The following OR8D4 variants were observed in gnomAD, a reference collection of about 807,000 sequenced individuals.
OR8D4 encodes olfactory receptor family 8 subfamily D member 4.
For missense variants in OR8D4, 359 were observed against 372.6 expected, an observed-to-expected ratio of 0.96 and a Z score of 0.30; for synonymous variants, 141 against 134.8, an observed-to-expected ratio of 1.05 and a Z score of -0.32.
chr11:123,907,226 CA>C lies in OR8D4; in HGVS notation c.796del (p.Ser266ValfsTer16). 1 of 1,613,724 alleles carries C rather than the reference CA, an allele frequency of 6.2e-7. No individual in the cohort carries two copies. The highest frequency in any genetic ancestry group is 8.5e-7 in the Non-Finnish European group (1 of 1,179,698). ...MSMYLKPASSSSLTQEKVSSV... is the reference protein window; with the variant it reads ...MSMYLKPASSXSLTQEKVSSV... ...CCATGTATCTCAAACCTGCTTCTAGCAGTTCACTCACCCAGGAGAAAGTATC... is the reference window on the plus strand; with the variant it reads ...CCATGTATCTCAAACCTGCTTCTAGCGTTCACTCACCCAGGAGAAAGTATC... On this transcript the variant is annotated frameshift_variant, in exon 2 of 2. Transcript: ENST00000641687. LOFTEE classifies it low-confidence loss of function (END_TRUNC).
intron 1 of OR8D4, among the ~76,000 whole-genome samples, chr11:123,903,257 G>A (rs1863175561): frequency 1.3e-5 from 2 of 152,014 alleles, no homozygotes; most frequent in Admixed American, 1.3e-4. Context: ...GAGCATTCAG[G>A]GATTTTGGTA....
At chr11:123,904,171 C>T (rs563879537) in intron 1 of OR8D4, among the ~76,000 whole-genome samples, 2 of 152,226 alleles carry the variant, frequency 1.3e-5, no homozygotes, top group African/African-American at 4.8e-5. Context: ...GGTTCATAGA[C>T]CACACTGTGT....
At chr11:123,905,823 A>T (rs1274384969) in intron 1 of OR8D4, among the ~76,000 whole-genome samples, 1 of 152,186 alleles carries the variant, frequency 6.6e-6, no homozygotes, top group Non-Finnish European at 1.5e-5. Context: ...TTCATGGCCC[A>T]GGACACACAG....
Position 123,906,916 on chromosome 11 carries a change from GT to G in OR8D4, c.486del (p.Cys162Ter), listed in dbSNP as rs1565569452. On this transcript the variant is annotated frameshift_variant, in exon 2 of 2. Coordinates refer to ENST00000641687, the MANE Select transcript of OR8D4 (RefSeq NM_001005197.2). LOFTEE classifies it low-confidence loss of function (END_TRUNC). ...GFTDAVIHGG[C>X]ILRLSFCGSN... ...ACTGATGCTGTGATCCATGGAGGTT[GT>G]ATACTCAGGTTGTCTTTCTGTGGAT... 1 of 1,613,964 alleles carries G rather than the reference GT, an allele frequency of 6.2e-7. No individual in the cohort carries two copies.
At position 123,906,818 on chromosome 11, in the gene OR8D4, A is replaced by G. The variant is rs764042743; in HGVS notation, c.387A>G (p.Pro129=). The G allele has an allele frequency of 6.2e-7, 1 of 1,613,958 alleles. No individual in the cohort carries two copies. The highest frequency in any genetic ancestry group is 1.1e-5 in the South Asian group (1 of 91,064). The change falls in exon 2 of 2, where the codon CCA becomes CCG. Residue 129 remains proline, a synonymous_variant. Coordinates refer to ENST00000641687, the MANE Select transcript of OR8D4 (RefSeq NM_001005197.2). ...ATCGCTACGTGGCCATCTGCAGCCCACTGCTCTACAGGGTCATCATGTCCC... is the reference window on the plus strand; with the variant it reads ...ATCGCTACGTGGCCATCTGCAGCCCGCTGCTCTACAGGGTCATCATGTCCC... ...ACDRYVAICS[P]LLYRVIMSPR...
At chr11:123,906,315 G>A (rs982936173) in intron 1 of OR8D4, 102 bp from the exon 2 acceptor site, 16 of 723,658 alleles carry the variant, frequency 2.2e-5, no homozygotes, top group East Asian at 1.6e-4. Context: ...TTTGGTTTTC[G>A]TAACACAAAG....
chr11:123,905,577 A>G (rs1863192632), intron 1 of OR8D4, among the ~76,000 whole-genome samples: 2 of 152,192 alleles, frequency 1.3e-5, no homozygotes, highest in African/African-American at 4.8e-5. Flanking sequence ...GTAGAAAATT[A>G]TAATTCACCT....
rs1359750151 is a variant in OR8D4 at position 123,906,637 on chromosome 11, T to C, written c.206T>C (p.Leu69Ser). The C allele has an allele frequency of 6.2e-7, 1 of 1,613,880 alleles. No individual in the cohort carries two copies. Residue 69 changes from leucine (L) to serine (S), a missense_variant, in exon 2 of 2, where the codon TTA becomes TCA. Coordinates refer to ENST00000641687, the MANE Select transcript of OR8D4 (RefSeq NM_001005197.2). ...TATTTCCTGAGTAGTTTGTCTTTTT[T>C]AGATTTCTGCTATTCTTCTGTCATT... ...MYYFLSSLSFLDFCYSSVITP... is the reference protein window; with the variant it reads ...MYYFLSSLSFSDFCYSSVITP...
Position 123,908,659 on chromosome 11 carries a change from T to C in OR8D4, c.*1283T>C, listed in dbSNP as rs1863225578. On this transcript the variant is annotated 3_prime_UTR_variant, in exon 2 of 2. Transcript: ENST00000641687. ...ACAAACATAATTATAGATAAGTCCT[T>C]TGGAAAAAATGAGTTATGTAATTTT... The C allele has an allele frequency of 6.6e-6, 1 of 152,166 alleles. No individual in the cohort carries two copies. The highest frequency in any genetic ancestry group is 6.5e-5 in the Admixed American group (1 of 15,280). The allele number at this position is 152,166 out of a possible 1,614,324, so 9.4% of individuals were successfully genotyped here. A position where few individuals can be genotyped will look rare whatever the true frequency, so the allele number is the denominator to read the frequency against.
In OR8D4 at chr11:123,908,976, T is replaced by C. The variant is rs1265807063; in HGVS notation, c.*1600T>C. 1 of 152,204 alleles carries C rather than the reference T, an allele frequency of 6.6e-6. No individual in the cohort carries two copies. Among genetic ancestry groups the C allele is most frequent in the Non-Finnish European group, 1.5e-5 (1 of 68,034 alleles). The allele number at this position is 152,204 out of a possible 1,614,324, so 9.4% of individuals were successfully genotyped here. A position where few individuals can be genotyped will look rare whatever the true frequency, so the allele number is the denominator to read the frequency against. Reference sequence around the variant, plus strand: ...GTACAATGAGAAGCAATTGGAATGTTTCAAAAGCAGAGCGATGTAATCTGT... The same window carrying C: ...GTACAATGAGAAGCAATTGGAATGTCTCAAAAGCAGAGCGATGTAATCTGT... On this transcript the variant is annotated 3_prime_UTR_variant, in exon 2 of 2. Coordinates refer to ENST00000641687, the MANE Select transcript of OR8D4 (RefSeq NM_001005197.2).
chr11:123,906,282 C>G, intron 1 of OR8D4, 135 bp from the exon 2 acceptor site: 1 of 592,104 alleles, frequency 1.7e-6, no homozygotes, highest in Non-Finnish European at 2.9e-6. Flanking sequence ...CTTACCGACT[C>G]CATTTCATCT....
In OR8D4 at chr11:123,907,085, T is replaced by A; in HGVS notation, c.654T>A (p.Tyr218Ter). 6.2e-7 allele frequency: 1 copy of A among 1,614,086 alleles called. No homozygotes were observed. ...CAAGCCTAACAATCATTATTTCATA[T>A]GCTTTTATCCTCACCAGCATCCTGC... Reference protein sequence around the residue: ...VATSLTIIISYAFILTSILRI... With the variant: ...VATSLTIIIS Residue 218 changes from tyrosine (Y) to a stop codon, truncating the protein, a stop_gained, in exon 2 of 2, where the codon TAT (tyrosine) becomes TAA (stop). Transcript: ENST00000641687. LOFTEE classifies it low-confidence loss of function (END_TRUNC).
In OR8D4 at chr11:123,906,887, T is replaced by C; in HGVS notation, c.456T>C (p.Gly152=). 1 of 1,613,990 alleles carries C rather than the reference T, an allele frequency of 6.2e-7. No homozygotes were observed. Among genetic ancestry groups the C allele is most frequent in the Non-Finnish European group, 8.5e-7 (1 of 1,179,892 alleles). Residue 152 remains glycine, a synonymous_variant, in exon 2 of 2, where the codon GGT becomes GGC. Coordinates refer to ENST00000641687, the MANE Select transcript of OR8D4 (RefSeq NM_001005197.2). ...SLLVAAVFSV[G]FTDAVIHGGC... ...TGGTGGCTGCTGTCTTCTCAGTAGG[T>C]TTCACTGATGCTGTGATCCATGGAG...
chr11:123,906,327 C>A, intron 1 of OR8D4, 90 bp from the exon 2 acceptor site: 2 of 787,662 alleles, frequency 2.5e-6, no homozygotes, highest in South Asian at 3.9e-5. Context: ...AACACAAAGT[C>A]AGTGTTTTCA....
At position 123,907,331 on chromosome 11, in the gene OR8D4, T is replaced by G; in HGVS notation, c.900T>G (p.Ala300=). 6.6e-7 allele frequency: 1 copy of G among 1,508,698 alleles called. No homozygotes were observed. The highest frequency in any genetic ancestry group is 9.1e-7 in the Non-Finnish European group (1 of 1,100,974). The allele number at this position is 1,508,698 out of a possible 1,614,324, so 93.5% of individuals were successfully genotyped here. Reference sequence around the variant, plus strand: ...TGAGGAACAATGAAGTAAGAAATGCTCTGATGAAACTTTTAAGAAGAAAAA... The same window carrying G: ...TGAGGAACAATGAAGTAAGAAATGCGCTGATGAAACTTTTAAGAAGAAAAA... The part of the protein sequence containing the change: ...YSLRNNEVRN[A]LMKLLRRKIS... The change falls in exon 2 of 2, where the codon GCT becomes GCG. Residue 300 remains alanine (A), a synonymous_variant. Transcript: ENST00000641687.
intron 1 of OR8D4, among the ~76,000 whole-genome samples, chr11:123,903,220 T>C (rs950742004): frequency 6.6e-6 from 1 of 152,102 alleles, no homozygotes; most frequent in Non-Finnish European, 1.5e-5. Context: ...TACATAAAAA[T>C]ACGACACCAT....
Position 123,907,094 on chromosome 11 carries a change from C to T in OR8D4, c.663C>T (p.Ile221=). 6.2e-7 allele frequency: 1 copy of T among 1,613,984 alleles called. No individual in the cohort carries two copies. The highest frequency in any genetic ancestry group is 8.5e-7 in the Non-Finnish European group (1 of 1,179,934). Residue 221 remains isoleucine, a synonymous_variant, in exon 2 of 2, where the codon ATC becomes ATT. Transcript: ENST00000641687. ...CAATCATTATTTCATATGCTTTTAT[C>T]CTCACCAGCATCCTGCGCATCCACT... is the stretch of plus-strand genomic sequence containing the variant. The part of the protein sequence containing the change: ...SLTIIISYAF[I]LTSILRIHSK...
chr11:123,904,136 A>T (rs1338125838), intron 1 of OR8D4, among the ~76,000 whole-genome samples: 3 of 152,190 alleles, frequency 2.0e-5, no homozygotes, highest in Non-Finnish European at 4.4e-5. Flanking sequence ...TGCTAAAAAA[A>T]TCTCTGAGTG....
rs776601488 is a variant in OR8D4, at chr11:123,906,958, A to G, written c.527A>G (p.His176Arg). ...TTCTGTGGATCAAACATCATTAAAC[A>G]TTATTTCTGTGACATTGTCCCTCTT... The part of the protein sequence containing the change: ...LSFCGSNIIK[H>R]YFCDIVPLIK... Residue 176 changes from histidine (H) to arginine (R), a missense_variant, in exon 2 of 2, where the codon CAT becomes CGT. Coordinates refer to ENST00000641687, the MANE Select transcript of OR8D4 (RefSeq NM_001005197.2). 7.4e-6 allele frequency: 12 copies of G among 1,613,968 alleles called. No homozygotes were observed. The African/African-American group carries it at 1.6e-4, about 22-fold the overall frequency.
Sources: gnomAD v4.1 joint callset for allele counts (sites outside exome capture counted in the v4.1 genomes callset) on GRCh38, gnomAD v4.1.1 for gene constraint, MANE v1.5 for transcripts, NCBI Gene and HGNC (gene_info 2026-07-23, HGNC 2026-07-21) for gene names.